CNKSR2: variants seen among roughly 807,000 people sequenced by gnomAD.
CNKSR2 encodes the protein CNK homolog protein 2.
Under a neutral mutation model 84.4 loss-of-function variants are expected in CNKSR2, and 14 were observed. The ratio of observed to expected loss-of-function variants is 0.17; its 90% CI spans 0.11 to 0.26. The LOEUF is 0.26. Among genes scored for constraint, CNKSR2 ranks in the 10% least tolerant of loss-of-function variants. The pLI, the probability that CNKSR2 is intolerant of heterozygous loss-of-function variation, is 1.00. For missense variants in CNKSR2, 485 were observed against 771.2 expected, an observed-to-expected ratio of 0.63 and a Z score of 4.40; for synonymous variants, 275 against 277.9, an observed-to-expected ratio of 0.99 and a Z score of 0.10.
chrX:21,641,602 C>A, intron 20 of CNKSR2: 1 of 1,166,861 alleles, frequency 8.6e-7, no homozygotes, highest in Middle Eastern at 2.3e-4. Context: ...GGCACTCAAC[C>A]CATTGGACTC....
intron 20 of CNKSR2, among the ~76,000 whole-genome samples, chrX:21,638,210 C>G (rs1233793156): frequency 8.9e-6 from 1 of 111,870 alleles, no homozygotes; most frequent in East Asian, 2.8e-4. Flanking sequence ...CTACCCTTAT[C>G]CCCTCTATAA....
chrX:21,501,008 C>A (rs1158535404), intron 7 of CNKSR2, among the ~76,000 whole-genome samples: 1 of 111,386 alleles, frequency 9.0e-6, no homozygotes, highest in Non-Finnish European at 1.9e-5. Flanking sequence ...AACTTCAAAT[C>A]TTTGATGCTG....
rs768497403 is a variant in CNKSR2, at chrX:21,473,745, G to GTTTTTTTTTTTT, written c.561+2946_561+2957dup. Among the ~76,000 whole-genome samples the GTTTTTTTTTTTT allele has an allele frequency of 1.2e-4, 8 of 67,229 alleles. 1 individual carries two copies. The highest frequency in any genetic ancestry group is 7.2e-4 in the African/African-American group (7 of 9,695). 58.4% of individuals were successfully genotyped at this position (67,229 alleles called of 115,157 possible). A position where few individuals can be genotyped will look rare whatever the true frequency, so the allele number is the denominator to read the frequency against. ...TAGGTTTTTTGTTGTTGTTGGTTTGGTTTTTTTTTTTTTTTTTTTGAGACA... is the reference window on the plus strand; with the variant it reads ...TAGGTTTTTTGTTGTTGTTGGTTTGGTTTTTTTTTTTTTTTTTTTTTTTTTTTTTTTGAGACA... On this transcript the variant is annotated intron_variant, in intron 5 of 21. Coordinates refer to ENST00000379510, the MANE Select transcript of CNKSR2 (RefSeq NM_014927.5).
chrX:21,558,522 G>C (rs1296251833), intron 11 of CNKSR2, among the ~76,000 whole-genome samples: 2 of 106,424 alleles, frequency 1.9e-5, no homozygotes, highest in Non-Finnish European at 3.9e-5. Flanking sequence ...TCCTTCAATT[G>C]TGTATTAGTA....
At chrX:21,479,182 G>C (rs181869078) in intron 5 of CNKSR2, among the ~76,000 whole-genome samples, 1 of 111,462 alleles carries the variant, frequency 9.0e-6, no homozygotes, top group East Asian at 2.8e-4. Context: ...CTGTTTCTGA[G>C]TTATTTCACT....
intron 18 of CNKSR2, among the ~76,000 whole-genome samples, chrX:21,602,677 G>C (rs1032528453): frequency 1.8e-5 from 2 of 111,220 alleles, no homozygotes; most frequent in African/African-American, 6.5e-5. Context: ...AAAAAAATTA[G>C]TGTTCCTTTT....
At chrX:21,562,853 A>G (rs2092203999) in intron 12 of CNKSR2, among the ~76,000 whole-genome samples, 1 of 111,223 alleles carries the variant, frequency 9.0e-6, no homozygotes, top group South Asian at 3.8e-4. Context: ...GGCTTTGGCA[A>G]AATCCCCATG....
Position 21,374,609 on chromosome X carries a change from A to AGCC in CNKSR2, c.-287_-286insCGC, listed in dbSNP as rs1491349820. The AGCC allele has an allele frequency of 1.0e-5, 5 of 496,707 alleles. No homozygotes were observed. The highest frequency in any genetic ancestry group is 7.2e-5 in the African/African-American group (3 of 41,643). 40.9% of individuals were successfully genotyped at this position (496,707 alleles called of 1,213,427 possible). A position where few individuals can be genotyped will look rare whatever the true frequency, so the allele number is the denominator to read the frequency against. On this transcript the variant is annotated 5_prime_UTR_variant, in exon 1 of 22. Coordinates refer to ENST00000379510, the MANE Select transcript of CNKSR2 (RefSeq NM_014927.5). Reference sequence around the variant, plus strand: ...GAGCGGCGGAGGCAGCAGCAGCAGCAGCAGCAGCAGCAGCAGCAGCAGCCG... The same window carrying AGCC: ...GAGCGGCGGAGGCAGCAGCAGCAGCAGCCGCAGCAGCAGCAGCAGCAGCAGCCG...
At chrX:21,532,489 C>G (rs189100647) in intron 11 of CNKSR2, among the ~76,000 whole-genome samples, 1 of 109,492 alleles carries the variant, frequency 9.1e-6, no homozygotes, top group Non-Finnish European at 1.9e-5. Flanking sequence ...ATAATTTTCT[C>G]GAGAAATTCT....
rs1026900640 is a variant in CNKSR2, at chrX:21,532,161, T to C, written c.1303+94T>C. On this transcript the variant is annotated intron_variant, in intron 11 of 21. Coordinates refer to ENST00000379510, the MANE Select transcript of CNKSR2 (RefSeq NM_014927.5). ...AAGTTTTTGGGTTGTGAGAGTTACT[T>C]AGGCGCTTTTGAATCTTTATAATTG... 11 of 570,514 alleles carry C rather than the reference T, an allele frequency of 1.9e-5. No homozygotes were observed. The South Asian group carries it at 4.0e-4, about 21-fold the overall frequency. The allele number at this position is 570,514 out of a possible 1,213,427, so 47.0% of individuals were successfully genotyped here.
chrX:21,588,816 A>G (rs2092403641), intron 13 of CNKSR2, among the ~76,000 whole-genome samples: 1 of 111,747 alleles, frequency 8.9e-6, no homozygotes, highest in African/African-American at 3.2e-5. Context: ...TCTAAAAACA[A>G]ACCACCTCCA....
intron 8 of CNKSR2, among the ~76,000 whole-genome samples, chrX:21,514,811 C>A (rs2091710448): frequency 9.0e-6 from 1 of 110,984 alleles, no homozygotes; most frequent in Non-Finnish European, 1.9e-5. Context: ...ATGTTTTCTC[C>A]CTCCAAACTT....
At chrX:21,401,796 A>G (rs1048022992) in intron 1 of CNKSR2, among the ~76,000 whole-genome samples, 15 of 111,954 alleles carry the variant, frequency 1.3e-4, no homozygotes, top group African/African-American at 4.5e-4. Context: ...TCTAATGTAC[A>G]ATAAATGTAA....
intron 9 of CNKSR2, among the ~76,000 whole-genome samples, chrX:21,520,489 CAA>C (rs1258714577): frequency 4.8e-5 from 5 of 104,507 alleles, no homozygotes; most frequent in Non-Finnish European, 9.8e-5. Context: ...GAAAAAAAAA[CAA>C]AGAATTGTGG....
At chrX:21,551,030 CAA>C (rs201507178) in intron 11 of CNKSR2, among the ~76,000 whole-genome samples, 45 of 77,754 alleles carry the variant, frequency 5.8e-4, no homozygotes, top group Middle Eastern at 0.014. Flanking sequence ...GACTCCATCT[CAA>C]AAAAAAAAAA....
rs139146719 is a variant in CNKSR2 at position 21,437,243 on chromosome X, A to T, written c.432-3451A>T. On this transcript the variant is annotated intron_variant, in intron 3 of 21. Transcript: ENST00000379510. ...TAAAACAAAACAAAACAAAACAAAC[A>T]TGCTGTGCATCACCTCATCACTTCT... is the stretch of plus-strand genomic sequence containing the variant. Among the ~76,000 whole-genome samples, 23 of 110,728 alleles carry T rather than the reference A, an allele frequency of 2.1e-4. No homozygotes were observed. In the Admixed American group the frequency reaches 2.1e-3, roughly 10 times the overall value.
intron 3 of CNKSR2, among the ~76,000 whole-genome samples, chrX:21,433,301 A>C (rs2090660045): frequency 9.0e-6 from 1 of 111,377 alleles, no homozygotes; most frequent in Non-Finnish European, 1.9e-5. Context: ...ACTATTTTGG[A>C]TATCATAAAC....
chrX:21,532,334 G>A, intron 11 of CNKSR2: 1 of 200,326 alleles, frequency 5.0e-6, no homozygotes, highest in Non-Finnish European at 9.1e-6. Flanking sequence ...AGCATCACAT[G>A]TATTTCTTGT....
chrX:21,485,106 C>G (rs2091367583), intron 5 of CNKSR2, among the ~76,000 whole-genome samples: 1 of 110,839 alleles, frequency 9.0e-6, no homozygotes, highest in Non-Finnish European at 1.9e-5. Context: ...TAGCTTGAAC[C>G]CGGGAGGTGG....
Sources: allele counts gnomAD v4.1 joint callset (sites outside exome capture counted in the v4.1 genomes callset), GRCh38; gene constraint gnomAD v4.1.1; transcripts MANE v1.5; gene names NCBI Gene and HGNC (gene_info 2026-07-23, HGNC 2026-07-21).